The following PFKFB4 variants were observed in gnomAD, a reference collection of about 807,000 sequenced individuals.
PFKFB4 encodes the protein 6-phosphofructo-2-kinase/fructose-2,6-biphosphatase 4.
A neutral mutation model predicts 62.8 loss-of-function variants in PFKFB4; 42 were observed. The observed-to-expected ratio is 0.67, with a 90% confidence interval of 0.52 to 0.86. The LOEUF (loss-of-function observed/expected upper bound fraction) is 0.86, where lower values mean the gene tolerates loss of function less well. Among genes scored for constraint, PFKFB4 ranks in the 40% least tolerant of loss-of-function variants. PFKFB4 has a pLI of 0.00. For synonymous variants in PFKFB4, 204 were observed against 240.7 expected (o/e 0.85, Z 1.41); for missense variants, 475 against 627.2 (o/e 0.76, Z 2.59).
At chr3:48,556,979 T>C (rs2043344951), upstream of PFKFB4, 4 of 1,383,940 alleles carry the variant, frequency 2.9e-6, no homozygotes, top group Non-Finnish European at 3.7e-6. This position sits in a 1 kb window ranked among gnomAD's most constrained non-coding sequence, Gnocchi z 5.7. Flanking sequence ...CATGCCCAAC[T>C]CACCTACCCG....
chr3:48,549,758 C>T, intron 3 of PFKFB4, 106 bp downstream of exon 3: 1 of 751,412 alleles, frequency 1.3e-6, no homozygotes, highest in South Asian at 1.5e-5. Flanking sequence ...CATTCACCAG[C>T]AGCTCCACTC....
At chr3:48,538,347 A>T in intron 7 of PFKFB4, 151 bp downstream of exon 7, 1 of 978,128 alleles carries the variant, frequency 1.0e-6, no homozygotes, top group African/African-American at 1.6e-5. Context: ...CTGACCAAAC[A>T]TTTCTGCCCC....
At position 48,556,462 on chromosome 3, in the gene PFKFB4, C is replaced by T. The variant is rs2043324696; in HGVS notation, c.97+219G>A. On this transcript the variant is annotated intron_variant, in intron 1 of 13. Coordinates refer to ENST00000232375, the MANE Select transcript of PFKFB4 (RefSeq NM_004567.4). The surrounding 1 kb of genome is among the most constrained non-coding windows in gnomAD (Gnocchi z 5.7). ...ACCGCCAAGCCGATATGCCCCCACA[C>T]ACCTGTCCCCGCCCCCTGCTCTGCC... is the stretch of plus-strand genomic sequence containing the variant. 6.6e-6 allele frequency among the ~76,000 whole-genome samples: 1 copy of T among 152,144 alleles called. No homozygotes were observed.
At chr3:48,557,266 G>A (rs950713520), upstream of PFKFB4, among the ~76,000 whole-genome samples, 1 of 152,212 alleles carries the variant, frequency 6.6e-6, no homozygotes, top group Admixed American at 6.5e-5. Context: ...GGGTTTTCAT[G>A]CAGTGGGACG....
upstream of PFKFB4, among the ~76,000 whole-genome samples, chr3:48,557,892 C>T (rs763457224): frequency 1.1e-4 from 17 of 152,148 alleles, no homozygotes; most frequent in African/African-American, 1.7e-4. Context: ...CTGGGAGTAT[C>T]TTAATCGTCT....
chr3:48,523,866 G>A, intron 10 of PFKFB4, 36 bp from the exon 11 acceptor site: 2 of 1,600,576 alleles, frequency 1.2e-6, no homozygotes, highest in Admixed American at 1.7e-5. Flanking sequence ...CCTCAGGCCT[G>A]GCTCCGGGGG....
Position 48,523,794 on chromosome 3 carries a change from T to C in PFKFB4, c.1129A>G (p.Ile377Val). 6.2e-7 allele frequency: 1 copy of C among 1,614,166 alleles called. No individual in the cohort carries two copies. The highest frequency in any genetic ancestry group is 8.5e-7 in the Non-Finnish European group (1 of 1,180,006). Residue 377 changes from isoleucine to valine, a missense_variant, in exon 11 of 14, where the codon ATC (isoleucine) becomes GTC (valine). By Grantham distance (29) the Ile-to-Val change is conservative. Coordinates refer to ENST00000232375, the MANE Select transcript of PFKFB4 (RefSeq NM_004567.4). ...TTCTCTTGCCTCTCCAGCTCCATGA[T>C]GACAGGCTCCAGTCTCTGGACCAGG... ...EDLVQRLEPV[I>V]MELERQENVL... is the part of the protein sequence containing the mutation.
chr3:48,556,633 A>AC lies in PFKFB4; in HGVS notation c.97+47dup. 6.7e-5 allele frequency: 52 copies of AC among 778,934 alleles called. No individual in the cohort carries two copies. Among genetic ancestry groups the AC allele is most frequent in the Non-Finnish European group, 8.6e-5 (47 of 545,470 alleles). The allele number at this position is 778,934 out of a possible 1,614,324, so 48.3% of individuals were successfully genotyped here. On this transcript the variant is annotated intron_variant, in intron 1 of 13. Coordinates refer to ENST00000232375, the MANE Select transcript of PFKFB4 (RefSeq NM_004567.4). The surrounding 1 kb of genome is among the most constrained non-coding windows in gnomAD (Gnocchi z 5.7). ...GACCCCCGCCCAGGCCGCCCTACCC[A>AC]CCCATCCCGGTGCACCTCCCACCTC...
intron 12 of PFKFB4, 125 bp downstream of exon 12, chr3:48,523,412 G>A (rs2042157161): frequency 1.1e-6 from 1 of 897,890 alleles, no homozygotes; most frequent in African/African-American, 1.7e-5. Flanking sequence ...GGGAAAGGTG[G>A]TGGGGTAGTA....
chr3:48,536,859 T>C (rs539896861), intron 7 of PFKFB4: 6 of 184,284 alleles, frequency 3.3e-5, no homozygotes, highest in East Asian at 1.5e-4. Flanking sequence ...CCGAGGGTTG[T>C]TGACTTGGGA....
intron 7 of PFKFB4, 91 bp from the exon 8 acceptor site, chr3:48,536,554 C>G (rs934890522): frequency 2.1e-6 from 2 of 950,124 alleles, no homozygotes; most frequent in African/African-American, 3.2e-5. Flanking sequence ...AGCTGCGAGG[C>G]CTTGCACTTC....
chr3:48,546,024 T>C (rs900021565), intron 3 of PFKFB4, among the ~76,000 whole-genome samples: 1 of 152,002 alleles, frequency 6.6e-6, no homozygotes, highest in Non-Finnish European at 1.5e-5. Context: ...TGTGCGTGTG[T>C]GTGTGTGTGT....
In PFKFB4 at chr3:48,521,549, T is replaced by A. The variant is rs1172319888; in HGVS notation, c.1350+437A>T. ...GTGCTGGGGTTAGGAAAGGGGCTCA[T>A]GAGGCCTCGGCTGCAGGGATGGGGA... On this transcript the variant is annotated intron_variant, in intron 13 of 13. Transcript: ENST00000232375. The surrounding 1 kb of genome is among the most constrained non-coding windows in gnomAD (Gnocchi z 5.3). Among the ~76,000 whole-genome samples, 13 of 152,206 alleles carry A rather than the reference T, an allele frequency of 8.5e-5. No homozygotes were observed. Among genetic ancestry groups the A allele is most frequent in the African/African-American group, 3.1e-4 (13 of 41,452 alleles).
upstream of PFKFB4, chr3:48,562,391 T>C: frequency 4.5e-6 from 1 of 223,760 alleles, no homozygotes; most frequent in Non-Finnish European, 8.8e-6. The surrounding 1 kb of genome is among the most constrained non-coding windows in gnomAD (Gnocchi z 4.3). Flanking sequence ...GATGACTGCA[T>C]GTGGCGGTGT....
At chr3:48,542,807 C>T (rs1215916231) in intron 4 of PFKFB4, among the ~76,000 whole-genome samples, 1 of 151,976 alleles carries the variant, frequency 6.6e-6, no homozygotes, top group African/African-American at 2.4e-5. Context: ...AATTCTATAC[C>T]CAACCATCAA....
intron 5 of PFKFB4, 112 bp downstream of exon 5, chr3:48,539,585 A>G (rs2042738970): frequency 1.1e-6 from 1 of 948,288 alleles, no homozygotes; most frequent in Admixed American, 1.9e-5. Flanking sequence ...AATTACACTC[A>G]GGAGCCATGC....
At chr3:48,544,408 T>C (rs2042897546) in intron 3 of PFKFB4, among the ~76,000 whole-genome samples, 2 of 150,410 alleles carry the variant, frequency 1.3e-5, no homozygotes, top group South Asian at 4.2e-4. Flanking sequence ...ATCCCCCACC[T>C]ATGACCAAAC....
chr3:48,553,850 G>A (rs2043228462), intron 1 of PFKFB4, among the ~76,000 whole-genome samples: 1 of 152,190 alleles, frequency 6.6e-6, no homozygotes, highest in Non-Finnish European at 1.5e-5. Flanking sequence ...GCACACACCA[G>A]TCATGTCCTT....
chr3:48,535,581 C>A lies in PFKFB4; in HGVS notation c.918G>T (p.Arg306Ser). Residue 306 changes from arginine (R) to serine (S), a missense_variant, in exon 9 of 14, where the codon AGG becomes AGT. By Grantham distance (110) the Arg-to-Ser change is moderately radical (BLOSUM62 -1). Transcript: ENST00000232375. ...DLKVWTSQMK[R>S]TIQTAEALGV... ...CCAGTGCCTCAGCCGTCTGGATTGTCCTCTTCATCTGGCTTGTCCAGACCT... is the reference window on the plus strand; with the variant it reads ...CCAGTGCCTCAGCCGTCTGGATTGTACTCTTCATCTGGCTTGTCCAGACCT... The A allele has an allele frequency of 6.2e-7, 1 of 1,614,144 alleles. No individual in the cohort carries two copies. Among genetic ancestry groups the A allele is most frequent in the Non-Finnish European group, 8.5e-7 (1 of 1,180,008 alleles).
Sources: allele counts gnomAD v4.1 joint callset (sites outside exome capture counted in the v4.1 genomes callset), GRCh38; gene constraint gnomAD v4.1.1; non-coding constraint Gnocchi (gnomAD v3.1); transcripts MANE v1.5; gene names NCBI Gene and HGNC (gene_info 2026-07-23, HGNC 2026-07-21).